The following PSD variants were observed in gnomAD, a reference collection of about 807,000 sequenced individuals.
PSD encodes PH and SEC7 domain-containing protein 1.
Under a neutral mutation model 91.6 loss-of-function variants are expected in PSD, and 32 were observed. The observed-to-expected ratio is 0.35, with a 90% CI of 0.26 to 0.47. The LOEUF is 0.47. Among genes scored for constraint, PSD ranks in the 20% least tolerant of loss-of-function variants. PSD has a pLI of 1.00. For missense variants in PSD, 1,099 were observed against 1,373.9 expected (o/e 0.80, Z 3.16); for synonymous variants, 532 against 569.3 (o/e 0.93, Z 0.93).
At position 102,404,593 on chromosome 10, in the gene PSD, C is replaced by T. The variant is rs1169378165; in HGVS notation, c.2690G>A (p.Arg897His). The change falls in exon 15 of 17, where the codon CGC (arginine) becomes CAC (histidine). Residue 897 changes from arginine to histidine, a missense_variant. By Grantham distance (29) the Arg-to-His change is conservative. Transcript: ENST00000020673. This position sits in a 1 kb window ranked among gnomAD's most constrained non-coding sequence, Gnocchi z 5.7. ...SRPLLPSAAT[R>H]LSQEEQVRTH... ...CAGAGCTTGGGCTACCTGGGAGAGGCGGGTGGCAGCGCTGGGCAGGAGAGG... is the reference window on the plus strand; with the variant it reads ...CAGAGCTTGGGCTACCTGGGAGAGGTGGGTGGCAGCGCTGGGCAGGAGAGG... 1.2e-6 allele frequency: 2 copies of T among 1,610,328 alleles called. No homozygotes were observed. The highest frequency in any genetic ancestry group is 2.2e-5 in the East Asian group (1 of 44,864).
chr10:102,412,135 G>T lies in PSD; in HGVS notation c.1829+12C>A. 6.2e-7 allele frequency: 1 copy of T among 1,613,404 alleles called. No individual in the cohort carries two copies. Among genetic ancestry groups the T allele is most frequent in the Non-Finnish European group, 8.5e-7 (1 of 1,179,424 alleles). On this transcript the variant is annotated intron_variant, in intron 7 of 16. Transcript: ENST00000020673. ...GAGAGTGGGGGCTGTCCTCCAAGGG[G>T]TCAACACCCACCTGAGAGCTTGGTC... is the stretch of plus-strand genomic sequence containing the variant.
At chr10:102,408,911 C>G in intron 10 of PSD, 1 of 987,492 alleles carries the variant, frequency 1.0e-6, no homozygotes, top group Non-Finnish European at 1.2e-6. Flanking sequence ...TTTCTTCTTG[C>G]GGCTCTGCAG....
intron 10 of PSD, among the ~76,000 whole-genome samples, chr10:102,408,604 G>A (rs1414275847): frequency 6.6e-6 from 1 of 152,126 alleles, no homozygotes; most frequent in Non-Finnish European, 1.5e-5. Context: ...CCCCTGCCCT[G>A]TCTCAGGACC....
chr10:102,412,061 G>T, intron 7 of PSD, 86 bp downstream of exon 7: 1 of 1,381,438 alleles, frequency 7.2e-7, no homozygotes, highest in Non-Finnish European at 1.0e-6. Context: ...GGCTTGTGGG[G>T]GACAGAGGGG....
At position 102,414,264 on chromosome 10, in the gene PSD, A is replaced by G. The variant is rs2061453271; in HGVS notation, c.1125-67T>C. ...CAGGGCTGGGGCAGGATTTCACTGA[A>G]CTCTCACACTGACTCTGCTAAGGGG... On this transcript the variant is annotated intron_variant, in intron 4 of 16. Transcript: ENST00000020673. The surrounding 1 kb of genome is among the most constrained non-coding windows in gnomAD (Gnocchi z 5.6). 11 of 1,360,574 alleles carry G rather than the reference A, an allele frequency of 8.1e-6. No homozygotes were observed. The highest frequency in any genetic ancestry group is 1.5e-5 in the African/African-American group (1 of 68,422). 84.3% of individuals were successfully genotyped at this position (1,360,574 alleles called of 1,614,324 possible).
Position 102,403,870 on chromosome 10 carries a change from C to A in PSD, c.2816G>T (p.Arg939Leu), listed in dbSNP as rs140739855. 1 of 1,610,084 alleles carries A rather than the reference C, an allele frequency of 6.2e-7. No homozygotes were observed. Among genetic ancestry groups the A allele is most frequent in the South Asian group, 1.1e-5 (1 of 90,248 alleles). The change falls in exon 16 of 17, where the codon CGG becomes CTG. Residue 939 changes from arginine (R) to leucine (L), a missense_variant. Arg to Leu is a moderately radical substitution (Grantham distance 102). Coordinates refer to ENST00000020673, the MANE Select transcript of PSD (RefSeq NM_002779.5). This position sits in a 1 kb window ranked among gnomAD's most constrained non-coding sequence, Gnocchi z 6.7. ...AAACTCCAGGTAGGCCTCCTTCTGC[C>A]GCTGCTCTTCAGCCTCCTTGCCCCG... is the stretch of plus-strand genomic sequence containing the variant. ...KGRGKEAEEQ[R>L]QKEAYLEFEK...
chr10:102,415,611 A>G (rs2061469973), intron 3 of PSD, among the ~76,000 whole-genome samples: 1 of 152,190 alleles, frequency 6.6e-6, no homozygotes, highest in South Asian at 2.1e-4. Context: ...AGCTAGGACT[A>G]TAGGTGCACA....
Position 102,405,543 on chromosome 10 carries a change from G to C in PSD, c.2136-7C>G. 1 of 1,609,348 alleles carries C rather than the reference G, an allele frequency of 6.2e-7. No homozygotes were observed. Among genetic ancestry groups the C allele is most frequent in the Non-Finnish European group, 8.5e-7 (1 of 1,176,966 alleles). On this transcript the variant is annotated splice_region_variant and splice_polypyrimidine_tract_variant and intron_variant, in intron 11 of 16. Coordinates refer to ENST00000020673, the MANE Select transcript of PSD (RefSeq NM_002779.5). This position sits in a 1 kb window ranked among gnomAD's most constrained non-coding sequence, Gnocchi z 5.4. The stretch of plus-strand genomic sequence containing the variant: ...TCTCAGCTCCTCCTCGTCTCTGCAG[G>C]TGTGATCACCTCAGAGGGGGCTGGC...
chr10:102,407,749 G>A (rs1038313459), intron 10 of PSD, among the ~76,000 whole-genome samples: 2 of 151,922 alleles, frequency 1.3e-5, no homozygotes, highest in Admixed American at 1.3e-4. Flanking sequence ...TAGGGGACTC[G>A]CCCTCTCAGC....
chr10:102,413,602 A>G (rs983762341), intron 5 of PSD, among the ~76,000 whole-genome samples, 167 bp downstream of exon 5: 1 of 152,106 alleles, frequency 6.6e-6, no homozygotes, highest in Admixed American at 6.5e-5. Context: ...CCTCACAGCT[A>G]ATGGCAGTAG....
In PSD at chr10:102,414,724, T is replaced by C. The variant is rs2061457820; in HGVS notation, c.1124+139A>G. The C allele has an allele frequency of 6.9e-6, 8 of 1,160,218 alleles. No individual in the cohort carries two copies. The Admixed American group carries it at 1.7e-4, about 24-fold the overall frequency. The allele number at this position is 1,160,218 out of a possible 1,614,324, so 71.9% of individuals were successfully genotyped here. On this transcript the variant is annotated intron_variant, in intron 4 of 16. Transcript: ENST00000020673. This position sits in a 1 kb window ranked among gnomAD's most constrained non-coding sequence, Gnocchi z 5.6. ...CCAAGCCTCAGGCCTCTGTCTAGAA[T>C]CTCCTGCTATACACACTGCCCCGCC...
Position 102,414,237 on chromosome 10 carries a change from C to A in PSD, c.1125-40G>T. On this transcript the variant is annotated intron_variant, in intron 4 of 16. Transcript: ENST00000020673. This position sits in a 1 kb window ranked among gnomAD's most constrained non-coding sequence, Gnocchi z 5.6. ...AGAATCTCTGATTAGGGGCCCAGAT[C>A]ACAGGGCTGGGGCAGGATTTCACTG... 6.5e-7 allele frequency: 1 copy of A among 1,538,058 alleles called. No homozygotes were observed. The highest frequency in any genetic ancestry group is 1.2e-5 in the South Asian group (1 of 83,754).
intron 5 of PSD, 30 bp from the exon 6 acceptor site, chr10:102,412,605 G>A (rs1473716763): frequency 6.3e-7 from 1 of 1,588,442 alleles, no homozygotes; most frequent in East Asian, 2.3e-5. Context: ...GCTCAGGCTG[G>A]GGCAGGGTCC....
At position 102,404,918 on chromosome 10, in the gene PSD, C is replaced by A; in HGVS notation, c.2535G>T (p.Arg845=). The A allele has an allele frequency of 3.1e-6, 5 of 1,613,698 alleles. No homozygotes were observed. The highest frequency in any genetic ancestry group is 4.2e-6 in the Non-Finnish European group (5 of 1,179,840). ...CTCACGGGGCCTGGAAGAGGAAGACCCGCCAGTCAGCTGTGCGCAGGTAGA... is the reference window on the plus strand; with the variant it reads ...CTCACGGGGCCTGGAAGAGGAAGACACGCCAGTCAGCTGTGCGCAGGTAGA... ...HVFYLRTADW[R]VFLFQAPSLE... Residue 845 remains arginine, a synonymous_variant, in exon 14 of 17, where the codon CGG becomes CGT. Transcript: ENST00000020673. This position sits in a 1 kb window ranked among gnomAD's most constrained non-coding sequence, Gnocchi z 5.7.
At position 102,415,083 on chromosome 10, in the gene PSD, C is replaced by G. The variant is rs1416933510; in HGVS notation, c.904G>C (p.Asp302His). The G allele has an allele frequency of 1.2e-6, 2 of 1,614,074 alleles. No individual in the cohort carries two copies. The highest frequency in any genetic ancestry group is 1.6e-4 in the Middle Eastern group (1 of 6,062). ...PLRCYRETDIDEVLAEREEAD... is the reference protein window; with the variant it reads ...PLRCYRETDIHEVLAEREEAD... ...TCCTCCCGCTCAGCCAGCACCTCAT[C>G]GATGTCAGTCTCGCGGTAGCACCTC... is the stretch of plus-strand genomic sequence containing the variant. The change falls in exon 4 of 17, where the codon GAT becomes CAT. Residue 302 changes from aspartate to histidine, a missense_variant. Asp to His is a moderately conservative substitution (Grantham distance 81). Transcript: ENST00000020673.
Position 102,412,235 on chromosome 10 carries a change from C to G in PSD, c.1749-8G>C. ...AGTTTGCTGAAGTCATTGCTGTGGG[C>G]AGGGCAGAGAGACAGGTAGGGTCTC... is the stretch of plus-strand genomic sequence containing the variant. On this transcript the variant is annotated splice_region_variant and splice_polypyrimidine_tract_variant and intron_variant, in intron 6 of 16. Coordinates refer to ENST00000020673, the MANE Select transcript of PSD (RefSeq NM_002779.5). The G allele has an allele frequency of 2.5e-6, 4 of 1,614,042 alleles. No homozygotes were observed. Among genetic ancestry groups the G allele is most frequent in the Non-Finnish European group, 3.4e-6 (4 of 1,179,942 alleles).
Position 102,404,467 on chromosome 10 carries a change from C to A in PSD, c.2700+116G>T. On this transcript the variant is annotated intron_variant, in intron 15 of 16. Transcript: ENST00000020673. The surrounding 1 kb of genome is among the most constrained non-coding windows in gnomAD (Gnocchi z 5.7). ...TTTCAGTCCCTGCTCACCCCTGTGG[C>A]CAGCATCCTGGTGCAGGGGACATCT... is the stretch of plus-strand genomic sequence containing the variant. 7.3e-7 allele frequency: 1 copy of A among 1,362,054 alleles called. No individual in the cohort carries two copies. The highest frequency in any genetic ancestry group is 9.9e-7 in the Non-Finnish European group (1 of 1,012,070). The allele number at this position is 1,362,054 out of a possible 1,614,324, so 84.4% of individuals were successfully genotyped here. A position where few individuals can be genotyped will look rare whatever the true frequency, so the allele number is the denominator to read the frequency against.
At chr10:102,419,043 G>A, upstream of PSD, 1 of 299,858 alleles carries the variant, frequency 3.3e-6, no homozygotes, top group Non-Finnish European at 6.8e-6. This position sits in a 1 kb window ranked among gnomAD's most constrained non-coding sequence, Gnocchi z 4.8. Flanking sequence ...CGTCTCTCTC[G>A]CCCACCGCCC....
At position 102,407,226 on chromosome 10, in the gene PSD, G is replaced by T; in HGVS notation, c.2132C>A (p.Ala711Asp). 6.2e-7 allele frequency: 1 copy of T among 1,602,924 alleles called. No individual in the cohort carries two copies. The highest frequency in any genetic ancestry group is 1.1e-5 in the South Asian group (1 of 89,258). The part of the protein sequence containing the change: ...SSIKNEKLQW[A>D]IDEEELRRSL... ...ACCACGCAGCCCCGGGACTCACATG[G>T]CCCACTGCAGCTTCTCATTCTTGAT... The change falls in exon 11 of 17, where the codon GCC becomes GAC. Residue 711 changes from alanine to aspartate, a missense_variant. Physicochemically the swap from Ala to Asp is moderately radical, Grantham distance 126 (BLOSUM62 -2). Coordinates refer to ENST00000020673, the MANE Select transcript of PSD (RefSeq NM_002779.5).
Sources: gnomAD v4.1 joint callset for allele counts (sites outside exome capture counted in the v4.1 genomes callset) on GRCh38, gnomAD v4.1.1 for gene constraint, Gnocchi (gnomAD v3.1) non-coding constraint, MANE v1.5 for transcripts, NCBI Gene and HGNC (gene_info 2026-07-23, HGNC 2026-07-21) for gene names.